The following GRM3 variants were observed in gnomAD, a reference collection of about 807,000 sequenced individuals.
The protein encoded by GRM3 is glutamate metabotropic receptor 3, also known as metabotropic glutamate receptor 3.
GRM3 carries 26 observed loss-of-function variants against 70.5 expected under a neutral mutation model. That is an observed-to-expected ratio of 0.37 (90% confidence interval 0.27 to 0.51). The LOEUF is 0.51. GRM3 is among the 20% of genes least tolerant of loss of function. The pLI, the probability that GRM3 is intolerant of heterozygous loss-of-function variation, is 0.93. For synonymous variants in GRM3, 443 were observed against 434.9 expected (o/e 1.02, Z -0.23); for missense variants, 859 against 1,123.8 (o/e 0.76, Z 3.37).
At chr7:86,755,377 T>A (rs1443598120) in intron 1 of GRM3, among the ~76,000 whole-genome samples, 2 of 152,106 alleles carry the variant, frequency 1.3e-5, no homozygotes, top group African/African-American at 4.8e-5. Context: ...GTTATCGAAA[T>A]GGGCAGTAAT....
In GRM3 at chr7:86,765,415, G is replaced by A; in HGVS notation, c.270G>A (p.Lys90=). The part of the protein sequence containing the change: ...NKDDYLLPGV[K]LGVHILDTCS... ...ATGATTACTTGCTACCAGGAGTGAA[G>A]TTGGGTGTTCACATTTTGGATACAT... The change falls in exon 2 of 6, where the codon AAG becomes AAA. Residue 90 remains lysine (K), a synonymous_variant. Transcript: ENST00000361669. 2 of 1,613,988 alleles carry A rather than the reference G, an allele frequency of 1.2e-6. No individual in the cohort carries two copies. The highest frequency in any genetic ancestry group is 1.7e-6 in the Non-Finnish European group (2 of 1,179,886).
At chr7:86,721,922 A>T (rs1045089575) in intron 1 of GRM3, among the ~76,000 whole-genome samples, 1 of 152,150 alleles carries the variant, frequency 6.6e-6, no homozygotes, top group Non-Finnish European at 1.5e-5. Context: ...CATGGAAGAT[A>T]CCAGGAGAAA....
chr7:86,764,990 A>G lies in GRM3; in HGVS notation c.-140-16A>G. On this transcript the variant is annotated splice_polypyrimidine_tract_variant and intron_variant, in intron 1 of 5. Coordinates refer to ENST00000361669, the MANE Select transcript of GRM3 (RefSeq NM_000840.3). ...TTTCTTTACCATTTTTGTTCATATA[A>G]TTTTTATCTCTTTAGGAATTTTGTG... 1.4e-6 allele frequency: 2 copies of G among 1,445,276 alleles called. No individual in the cohort carries two copies. Among genetic ancestry groups the G allele is most frequent in the Non-Finnish European group, 1.8e-6 (2 of 1,104,830 alleles). The allele number at this position is 1,445,276 out of a possible 1,614,324, so 89.5% of individuals were successfully genotyped here.
intron 1 of GRM3, among the ~76,000 whole-genome samples, chr7:86,757,471 G>A (rs1176319007): frequency 6.6e-6 from 1 of 152,154 alleles, no homozygotes; most frequent in African/African-American, 2.4e-5. Context: ...TCTTTCTAAG[G>A]TTTTAATAAA....
intron 1 of GRM3, among the ~76,000 whole-genome samples, chr7:86,665,469 C>T (rs1192610102): frequency 6.6e-6 from 1 of 152,018 alleles, no homozygotes; most frequent in Admixed American, 6.6e-5. Context: ...CCTAGAGTAA[C>T]ATCCACTGGC....
At position 86,744,140 on chromosome 7, in the gene GRM3, G is replaced by A. The variant is rs572369477; in HGVS notation, c.-140-20866G>A. 4.6e-5 allele frequency among the ~76,000 whole-genome samples: 7 copies of A among 152,046 alleles called. No homozygotes were observed. The South Asian group carries it at 1.2e-3, about 27-fold the overall frequency. On this transcript the variant is annotated intron_variant, in intron 1 of 5. Transcript: ENST00000361669. ...ACGAAGCATCCCACACCCAGGTCTG[G>A]GCATTGCTCTCTTGTGCCTGACCAT... is the stretch of plus-strand genomic sequence containing the variant.
intron 1 of GRM3, among the ~76,000 whole-genome samples, chr7:86,730,690 A>G (rs1795712799): frequency 6.6e-6 from 1 of 152,216 alleles, no homozygotes; most frequent in Non-Finnish European, 1.5e-5. Flanking sequence ...TAGATCTTAA[A>G]AATAGGCCGT....
At chr7:86,804,842 G>C (rs1797754864) in intron 3 of GRM3, among the ~76,000 whole-genome samples, 1 of 152,198 alleles carries the variant, frequency 6.6e-6, no homozygotes, top group African/African-American at 2.4e-5. Context: ...TATGAGTGTG[G>C]TGGCTCATGC....
Position 86,745,759 on chromosome 7 carries a change from A to G in GRM3, c.-140-19247A>G, listed in dbSNP as rs969180975. On this transcript the variant is annotated intron_variant, in intron 1 of 5. Transcript: ENST00000361669. ...GAGAAATTTTTAAAAGAAGGGCCAC[A>G]TCTCCAGAGTTTCTAAAAGAAATCT... 3.3e-5 allele frequency among the ~76,000 whole-genome samples: 5 copies of G among 152,250 alleles called. No individual in the cohort carries two copies. The South Asian group carries it at 1.0e-3, about 32-fold the overall frequency.
chr7:86,738,473 C>T (rs1315031615), intron 1 of GRM3, among the ~76,000 whole-genome samples: 1 of 152,088 alleles, frequency 6.6e-6, no homozygotes, highest in Non-Finnish European at 1.5e-5. Context: ...AATATAAAGC[C>T]ATATTCTACT....
At chr7:86,803,826 A>G (rs1797733557) in intron 3 of GRM3, among the ~76,000 whole-genome samples, 1 of 152,178 alleles carries the variant, frequency 6.6e-6, no homozygotes, top group African/African-American at 2.4e-5. Flanking sequence ...TCAGTCATGA[A>G]GCTAAAATAA....
intron 1 of GRM3, among the ~76,000 whole-genome samples, chr7:86,714,607 C>T (rs1795274439): frequency 6.6e-6 from 1 of 151,956 alleles, no homozygotes; most frequent in South Asian, 2.1e-4. Flanking sequence ...AATTGACCTG[C>T]TAAATCAACT....
chr7:86,808,445 G>T (rs1230785946), intron 3 of GRM3, among the ~76,000 whole-genome samples: 1 of 151,890 alleles, frequency 6.6e-6, no homozygotes, highest in Non-Finnish European at 1.5e-5. Flanking sequence ...TGGAAATTAA[G>T]AAGCGAAACC....
intron 3 of GRM3, among the ~76,000 whole-genome samples, chr7:86,828,060 C>T (rs1489179094): frequency 2.8e-5 from 4 of 142,120 alleles, no homozygotes; most frequent in African/African-American, 8.0e-5. Flanking sequence ...TGCAGTGAGC[C>T]GAGATCGTGC....
chr7:86,718,472 G>A (rs1795375846), intron 1 of GRM3, among the ~76,000 whole-genome samples: 2 of 151,976 alleles, frequency 1.3e-5, no homozygotes, highest in African/African-American at 4.8e-5. Context: ...CCTTTTCTTG[G>A]TTAATCTCAG....
At chr7:86,802,843 A>G (rs564549949) in intron 3 of GRM3, among the ~76,000 whole-genome samples, 2 of 152,246 alleles carry the variant, frequency 1.3e-5, no homozygotes, top group South Asian at 4.1e-4. Context: ...TGTTGAATTC[A>G]TGTTATTAAG....
At chr7:86,805,858 C>T (rs576328438) in intron 3 of GRM3, among the ~76,000 whole-genome samples, 1 of 152,192 alleles carries the variant, frequency 6.6e-6, no homozygotes, top group African/African-American at 2.4e-5. Context: ...ATTAACTCAT[C>T]ATTTACATTA....
intron 1 of GRM3, among the ~76,000 whole-genome samples, chr7:86,675,145 C>T (rs929367429): frequency 1.9e-4 from 29 of 152,002 alleles, no homozygotes; most frequent in Non-Finnish European, 2.6e-4. Flanking sequence ...CCAAATCAAA[C>T]TTCATATCTA....
intron 1 of GRM3, among the ~76,000 whole-genome samples, chr7:86,663,683 C>A (rs1793954581): frequency 1.3e-5 from 2 of 151,868 alleles, no homozygotes; most frequent in Admixed American, 1.3e-4. Context: ...GCTTTAGATA[C>A]ATCGTTAAGA....
Sources: gnomAD v4.1 joint callset for allele counts (sites outside exome capture counted in the v4.1 genomes callset) on GRCh38, gnomAD v4.1.1 for gene constraint, MANE v1.5 for transcripts, NCBI Gene and HGNC (gene_info 2026-07-23, HGNC 2026-07-21) for gene names.